The following TSGA10 variants were observed in gnomAD, a reference collection of about 807,000 sequenced individuals.
TSGA10 encodes the protein testis-specific gene 10 protein.
Under a neutral mutation model 96.6 loss-of-function variants are expected in TSGA10, and 43 were observed. The ratio of observed to expected loss-of-function variants is 0.44; its 90% CI spans 0.35 to 0.57. TSGA10 has a LOEUF of 0.57. Ranked by LOEUF, TSGA10 falls within the 20% of genes least tolerant of loss-of-function variation. The pLI is 0.01. For missense variants in TSGA10, 703 were observed against 834.4 expected (o/e 0.84, Z 1.94); for synonymous variants, 229 against 269.9 (o/e 0.85, Z 1.48).
At chr2:99,134,208 A>G (rs549843307) in intron 1 of TSGA10, among the ~76,000 whole-genome samples, 81 of 152,130 alleles carry the variant, frequency 5.3e-4, no homozygotes, top group Admixed American at 7.2e-4. Flanking sequence ...CGTCACTTTC[A>G]GAGTATACCA....
At chr2:99,127,730 T>C (rs555694586) in intron 1 of TSGA10, among the ~76,000 whole-genome samples, 2 of 152,326 alleles carry the variant, frequency 1.3e-5, no homozygotes, top group Non-Finnish European at 2.9e-5. Context: ...TACCCCCTTT[T>C]AACCATCACA....
At chr2:99,041,543 T>C (rs1469735588) in intron 16 of TSGA10, among the ~76,000 whole-genome samples, 3 of 152,136 alleles carry the variant, frequency 2.0e-5, no homozygotes, top group Non-Finnish European at 4.4e-5. Context: ...TACAGCCAAG[T>C]GATCTTCGAG....
At chr2:99,047,972 T>C (rs759035548) in intron 16 of TSGA10, among the ~76,000 whole-genome samples, 3 of 152,126 alleles carry the variant, frequency 2.0e-5, no homozygotes, top group Non-Finnish European at 2.9e-5. Context: ...CCATTCACAA[T>C]TGCTTCAAAG....
intron 16 of TSGA10, among the ~76,000 whole-genome samples, chr2:99,040,811 CA>C (rs1357471823): frequency 1.3e-5 from 2 of 151,380 alleles, no homozygotes; most frequent in Non-Finnish European, 2.9e-5. Flanking sequence ...AAAGAGCCAG[CA>C]TACTGTAGAA....
rs1407089529 is a variant in TSGA10 at position 99,046,440 on chromosome 2, A to T, written c.1405-11001T>A. ...AGCTCACTCAAAACCACTCAACTAC[A>T]TGGAAACTGAACAACCTGCTCCTGA... On this transcript the variant is annotated intron_variant, in intron 16 of 20. Transcript: ENST00000393483. Among the ~76,000 whole-genome samples the T allele has an allele frequency of 8.5e-5, 13 of 152,292 alleles. No individual in the cohort carries two copies. The South Asian group carries it at 2.1e-3, about 24-fold the overall frequency.
At chr2:99,140,196 T>C (rs2093479246) in intron 1 of TSGA10, among the ~76,000 whole-genome samples, 1 of 152,228 alleles carries the variant, frequency 6.6e-6, no homozygotes, top group African/African-American at 2.4e-5. Context: ...TAATTAAGAC[T>C]GAAGAGTTTG....
At chr2:99,057,093 T>TAA (rs140765333) in intron 16 of TSGA10, among the ~76,000 whole-genome samples, 1 of 151,726 alleles carries the variant, frequency 6.6e-6, no homozygotes, top group Non-Finnish European at 1.5e-5. Flanking sequence ...AGGTTTTCTA[T>TAA]AAAAAACCAA....
In TSGA10 at chr2:99,104,139, G is replaced by C. The variant is rs780564786; in HGVS notation, c.460-21C>G. 9 of 1,611,116 alleles carry C rather than the reference G, an allele frequency of 5.6e-6. No homozygotes were observed. The African/African-American group carries it at 9.4e-5, about 17-fold the overall frequency. On this transcript the variant is annotated intron_variant, in intron 9 of 20. Coordinates refer to ENST00000393483, the MANE Select transcript of TSGA10 (RefSeq NM_025244.4). ...TCAAGCTATACAAGTAGAATGACAAGGTTACTGCCATCACTAAAAACACCT... is the reference window on the plus strand; with the variant it reads ...TCAAGCTATACAAGTAGAATGACAACGTTACTGCCATCACTAAAAACACCT...
At chr2:99,022,437 C>T (rs189785468) in intron 17 of TSGA10, among the ~76,000 whole-genome samples, 7 of 149,996 alleles carry the variant, frequency 4.7e-5, no homozygotes, top group South Asian at 2.1e-4. Context: ...TCCATATAAA[C>T]GGAAACAAAC....
chr2:99,098,340 G>A (rs1412856950), intron 10 of TSGA10, among the ~76,000 whole-genome samples: 1 of 150,828 alleles, frequency 6.6e-6, no homozygotes, highest in African/African-American at 2.4e-5. Context: ...TTGGGAGGCT[G>A]AGGCAGGAGA....
At chr2:99,073,262 A>C (rs531960642) in intron 12 of TSGA10, among the ~76,000 whole-genome samples, 189 bp from the exon 13 acceptor site, 1 of 152,342 alleles carries the variant, frequency 6.6e-6, no homozygotes, top group East Asian at 1.9e-4. Context: ...GGGTAAAAAT[A>C]GATTATGTTC....
intron 1 of TSGA10, among the ~76,000 whole-genome samples, chr2:99,129,876 G>C (rs2092997269): frequency 6.6e-6 from 1 of 152,184 alleles, no homozygotes; most frequent in Non-Finnish European, 1.5e-5. Context: ...TTATGAGTAA[G>C]AACATGCTGT....
At chr2:99,102,372 C>T (rs2090870761) in intron 10 of TSGA10, 1 of 1,612,938 alleles carries the variant, frequency 6.2e-7, no homozygotes, top group South Asian at 1.1e-5. Flanking sequence ...ATCAGTTGAG[C>T]AGTTTACTGG....
At position 99,109,110 on chromosome 2, in the gene TSGA10, T is replaced by C. The variant is rs746199113; in HGVS notation, c.52-119A>G. On this transcript the variant is annotated intron_variant, in intron 6 of 20. Transcript: ENST00000393483. Reference sequence around the variant, plus strand: ...ATAAGACTATATAATGAAAGGAAATTATAAAAAATAAGTTTAAAAACCACA... The same window carrying C: ...ATAAGACTATATAATGAAAGGAAATCATAAAAAATAAGTTTAAAAACCACA... The C allele has an allele frequency of 4.0e-5, 35 of 884,470 alleles. 1 individual carries two copies. The highest frequency in any genetic ancestry group is 5.1e-5 in the Non-Finnish European group (31 of 606,904). The allele number at this position is 884,470 out of a possible 1,614,324, so 54.8% of individuals were successfully genotyped here. A position where few individuals can be genotyped will look rare whatever the true frequency, so the allele number is the denominator to read the frequency against.
At chr2:99,116,402 C>G (rs1043366675) in intron 4 of TSGA10, among the ~76,000 whole-genome samples, 1 of 152,018 alleles carries the variant, frequency 6.6e-6, no homozygotes. Context: ...GCTACAGTAA[C>G]TAAAACAATG....
rs769135001 is a variant in TSGA10, at chr2:98,998,269, T to C, written c.2073-48A>G. 1.4e-5 allele frequency: 21 copies of C among 1,495,050 alleles called. 1 individual carries two copies. The South Asian group carries it at 2.4e-4, about 17-fold the overall frequency. 92.6% of individuals were successfully genotyped at this position (1,495,050 alleles called of 1,614,324 possible). A position where few individuals can be genotyped will look rare whatever the true frequency, so the allele number is the denominator to read the frequency against. ...GATTAATATTTTTAATTCAACTTTT[T>C]CAACATGTGTAACAAATTTATTCTA... is the stretch of plus-strand genomic sequence containing the variant. On this transcript the variant is annotated intron_variant, in intron 20 of 20. Coordinates refer to ENST00000393483, the MANE Select transcript of TSGA10 (RefSeq NM_025244.4).
At chr2:99,111,101 G>A (rs2091770603) in intron 4 of TSGA10, among the ~76,000 whole-genome samples, 186 bp from the exon 5 acceptor site, 1 of 151,996 alleles carries the variant, frequency 6.6e-6, no homozygotes, top group Non-Finnish European at 1.5e-5. Flanking sequence ...TACCCAGAAT[G>A]AAATAACAAT....
At position 99,141,170 on chromosome 2, in the gene TSGA10, G is replaced by C; in HGVS notation, c.-621+13523C>G. ...CGACTGTCAGCTCTCGGCCTCAGCG[G>C]GGGATACAAGAACCGCCCACTCTCC... On this transcript the variant is annotated intron_variant, in intron 1 of 20. Transcript: ENST00000393483. 2 of 1,255,100 alleles carry C rather than the reference G, an allele frequency of 1.6e-6. 1 individual carries two copies. Among genetic ancestry groups the C allele is most frequent in the Non-Finnish European group, 2.1e-6 (2 of 972,646 alleles). The allele number at this position is 1,255,100 out of a possible 1,614,324, so 77.7% of individuals were successfully genotyped here.
intron 1 of TSGA10, among the ~76,000 whole-genome samples, chr2:99,135,532 A>T (rs2093289281): frequency 6.6e-6 from 1 of 152,270 alleles, no homozygotes; most frequent in Non-Finnish European, 1.5e-5. Flanking sequence ...GTCTAAAATA[A>T]GGAAGAACTT....
Sources: gnomAD v4.1 joint callset for allele counts (sites outside exome capture counted in the v4.1 genomes callset) on GRCh38, gnomAD v4.1.1 for gene constraint, MANE v1.5 for transcripts, NCBI Gene and HGNC (gene_info 2026-07-23, HGNC 2026-07-21) for gene names.